UQCC1: variants seen among roughly 807,000 people sequenced by gnomAD.
UQCC1 encodes bFGF-repressed Zic-binding protein.
A neutral mutation model predicts 48.0 loss-of-function variants in UQCC1; 38 were observed. That is an observed-to-expected ratio of 0.79 (90% CI 0.61 to 1.04). The LOEUF is 1.04. Among genes scored for constraint, UQCC1 ranks in the 50% least tolerant of loss-of-function variants. The pLI is 0.00. For synonymous variants in UQCC1, 111 were observed against 129.2 expected, an observed-to-expected ratio of 0.86 and a Z score of 0.95; for missense variants, 368 against 381.8, an observed-to-expected ratio of 0.96 and a Z score of 0.30.
chr20:35,346,571 A>G (rs78380195), intron 7 of UQCC1: 2,206 of 163,942 alleles, frequency 0.013, 50 homozygotes, highest in African/African-American at 0.049. Flanking sequence ...AACCAGCTAT[A>G]TTCTAGTGTT....
chr20:35,406,298 A>T (rs1197457707), intron 1 of UQCC1, among the ~76,000 whole-genome samples: 1 of 152,218 alleles, frequency 6.6e-6, no homozygotes, highest in Non-Finnish European at 1.5e-5. Flanking sequence ...ACACAAAGAG[A>T]GCCACAGACA....
In UQCC1 at chr20:35,382,001, G is replaced by A; in HGVS notation, c.250C>T (p.Gln84Ter). ...GCACCAACCTTCTCCTCAACAGGCT[G>A]TGGGGAATCTTTGGTAGTAGAAAGC... Reference protein sequence around the residue: ...RKLSTTKDSPQPVEEKVGAFT... With the variant: ...RKLSTTKDSP The change falls in exon 4 of 10, where the codon CAG becomes TAG. Residue 84 changes from glutamine to a stop codon, truncating the protein, a stop_gained. Coordinates refer to ENST00000374385, the MANE Select transcript of UQCC1 (RefSeq NM_018244.5). LOFTEE classifies it high-confidence loss of function. The A allele has an allele frequency of 1.2e-6, 2 of 1,608,538 alleles. No homozygotes were observed. The highest frequency in any genetic ancestry group is 1.7e-6 in the Non-Finnish European group (2 of 1,178,342).
chr20:35,368,142 T>C (rs2061689929), intron 5 of UQCC1, among the ~76,000 whole-genome samples: 1 of 152,196 alleles, frequency 6.6e-6, no homozygotes, highest in Non-Finnish European at 1.5e-5. Context: ...AGAAGCGCTA[T>C]CCTCTGCTTT....
chr20:35,355,526 C>T (rs2061537185), intron 6 of UQCC1, among the ~76,000 whole-genome samples: 1 of 152,212 alleles, frequency 6.6e-6, no homozygotes, highest in Non-Finnish European at 1.5e-5. Context: ...AAGGGAAAAG[C>T]AGAGCTGAAG....
At position 35,360,956 on chromosome 20, in the gene UQCC1, G is replaced by T. The variant is rs80127447; in HGVS notation, c.464+5601C>A. Among the ~76,000 whole-genome samples, 1,012 of 152,264 alleles carry T rather than the reference G, an allele frequency of 6.6e-3. 15 individuals carry two copies. The highest frequency in any genetic ancestry group is 0.023 in the African/African-American group (967 of 41,552). On this transcript the variant is annotated intron_variant, in intron 6 of 9. Coordinates refer to ENST00000374385, the MANE Select transcript of UQCC1 (RefSeq NM_018244.5). ...GGTAACCATAGTTAACTTCAGAGTTGTCTCGGGTCAGCCACTACTGAGTAA... is the reference window on the plus strand; with the variant it reads ...GGTAACCATAGTTAACTTCAGAGTTTTCTCGGGTCAGCCACTACTGAGTAA...
intron 1 of UQCC1, among the ~76,000 whole-genome samples, chr20:35,408,193 C>G (rs1490566110): frequency 6.6e-6 from 1 of 152,134 alleles, no homozygotes; most frequent in Admixed American, 6.6e-5. Context: ...CTTCGAGAGG[C>G]TGAGGCAGGA....
At chr20:35,394,338 A>C in intron 1 of UQCC1, 142 bp from the exon 2 acceptor site, 1 of 700,804 alleles carries the variant, frequency 1.4e-6, no homozygotes, top group Non-Finnish European at 2.3e-6. Context: ...GAGCTCCTAA[A>C]ACCCTTGGAA....
intron 2 of UQCC1, among the ~76,000 whole-genome samples, chr20:35,389,545 A>C (rs1337964780): frequency 1.3e-5 from 2 of 152,168 alleles, no homozygotes; most frequent in African/African-American, 4.8e-5. Flanking sequence ...CCTGAGTGAG[A>C]GAGTGAGACT....
chr20:35,329,661 T>C (rs1236388077), intron 7 of UQCC1, among the ~76,000 whole-genome samples: 1 of 152,220 alleles, frequency 6.6e-6, no homozygotes, highest in Non-Finnish European at 1.5e-5. Context: ...TACTGTATCC[T>C]AGGTCTGACC....
At position 35,321,283 on chromosome 20, in the gene UQCC1, T is replaced by TGTGTGTGCGC. The variant is rs1389196330; in HGVS notation, c.574-6519_574-6518insGCGCACACAC. On this transcript the variant is annotated intron_variant, in intron 7 of 9. Transcript: ENST00000374385. Reference sequence around the variant, plus strand: ...GTGTGTGTGTGTGTGTGTGTGTGTGTGCGCGCGCGCGCGCGCACGCTCAGG... The same window carrying TGTGTGTGCGC: ...GTGTGTGTGTGTGTGTGTGTGTGTGTGTGTGTGCGCGCGCGCGCGCGCGCGCACGCTCAGG... 3.5e-3 allele frequency among the ~76,000 whole-genome samples: 499 copies of TGTGTGTGCGC among 141,564 alleles called. 5 individuals are homozygous for TGTGTGTGCGC. Among genetic ancestry groups the TGTGTGTGCGC allele is most frequent in the African/African-American group, 0.014 (481 of 34,560 alleles). 92.9% of individuals were successfully genotyped at this position (141,564 alleles called of 152,430 possible).
chr20:35,310,448 T>A (rs113094422), intron 8 of UQCC1, among the ~76,000 whole-genome samples: 139 of 151,766 alleles, frequency 9.2e-4, no homozygotes, highest in African/African-American at 3.1e-3. Flanking sequence ...ATCGAGACCA[T>A]CCTGGGCAAC....
At chr20:35,402,665 T>C (rs992350546) in intron 1 of UQCC1, among the ~76,000 whole-genome samples, 3 of 151,132 alleles carry the variant, frequency 2.0e-5, no homozygotes, top group Admixed American at 1.3e-4. Context: ...TGGTGGCGCA[T>C]GCTGGTAATC....
In UQCC1 at chr20:35,303,904, A is replaced by T. The variant is rs746798985; in HGVS notation, c.*31T>A. 1 of 1,614,094 alleles carries T rather than the reference A, an allele frequency of 6.2e-7. No homozygotes were observed. Among genetic ancestry groups the T allele is most frequent in the Non-Finnish European group, 8.5e-7 (1 of 1,179,968 alleles). The stretch of plus-strand genomic sequence containing the variant: ...TCTCTCCTGGAGGTTCCTCGAAGCC[A>T]GCTGGCGGGCCGTGCGGAGGGCCCA... On this transcript the variant is annotated 3_prime_UTR_variant, in exon 10 of 10. Transcript: ENST00000374385.
chr20:35,313,173 G>A (rs577051509), intron 8 of UQCC1, among the ~76,000 whole-genome samples: 67 of 151,996 alleles, frequency 4.4e-4, no homozygotes, highest in Middle Eastern at 3.4e-3. Context: ...TCAGGAGATC[G>A]AGACCATCCT....
intron 7 of UQCC1, chr20:35,346,270 C>T (rs1214552851): frequency 6.6e-6 from 1 of 152,232 alleles, no homozygotes; most frequent in Non-Finnish European, 1.5e-5. Flanking sequence ...CCGCTCAGGT[C>T]CCCCTTCCAC....
intron 1 of UQCC1, among the ~76,000 whole-genome samples, chr20:35,397,054 C>T (rs185253343): frequency 6.6e-6 from 1 of 152,020 alleles, no homozygotes; most frequent in Admixed American, 6.6e-5. Flanking sequence ...AAAAAAATAC[C>T]GGGCATGGTG....
At chr20:35,306,997 G>T in intron 8 of UQCC1, 1 of 577,852 alleles carries the variant, frequency 1.7e-6, no homozygotes, top group Non-Finnish European at 3.2e-6. Flanking sequence ...AGGGAGAACA[G>T]GGGGTCCAGA....
At chr20:35,377,173 A>G (rs1294401643) in intron 4 of UQCC1, among the ~76,000 whole-genome samples, 1 of 152,202 alleles carries the variant, frequency 6.6e-6, no homozygotes, top group Non-Finnish European at 1.5e-5. Context: ...AAATTCCTTA[A>G]GAAAATATTT....
At chr20:35,357,368 A>G (rs1282410198) in intron 6 of UQCC1, among the ~76,000 whole-genome samples, 2 of 152,204 alleles carry the variant, frequency 1.3e-5, no homozygotes, top group African/African-American at 2.4e-5. Flanking sequence ...TAAAAATGCA[A>G]AATTAGCTGG....
Sources: gnomAD v4.1 joint callset for allele counts (sites outside exome capture counted in the v4.1 genomes callset) on GRCh38, gnomAD v4.1.1 for gene constraint, MANE v1.5 for transcripts, NCBI Gene and HGNC (gene_info 2026-07-23, HGNC 2026-07-21) for gene names.